SCYL2: variants seen among roughly 807,000 people sequenced by gnomAD.
The protein encoded by SCYL2 is SCY1-like protein 2.
A neutral mutation model predicts 100.4 loss-of-function variants in SCYL2; 36 were observed. The ratio of observed to expected loss-of-function variants is 0.36; its 90% confidence interval spans 0.27 to 0.47. The LOEUF is 0.47. Ranked by LOEUF, SCYL2 falls within the 20% of genes least tolerant of loss-of-function variation. The pLI, the probability that SCYL2 is intolerant of heterozygous loss-of-function variation, is 1.00. For synonymous variants in SCYL2, 330 were observed against 359.2 expected (o/e 0.92, Z 0.92); for missense variants, 902 against 1,083.9 (o/e 0.83, Z 2.36).
rs561707806 is a variant in SCYL2 at position 100,293,820 on chromosome 12, T to C, written c.335+2160T>C. ...TTTAACCCTGAGTGGACACAGCACA[T>C]GTTTCAGAGAGCACAGGGTTGGGGG... is the stretch of plus-strand genomic sequence containing the variant. On this transcript the variant is annotated intron_variant, in intron 3 of 17. Transcript: ENST00000360820. Among the ~76,000 whole-genome samples the C allele has an allele frequency of 5.9e-5, 9 of 152,272 alleles. No homozygotes were observed. The South Asian group carries it at 1.7e-3, about 28-fold the overall frequency.
At chr12:100,313,943 C>T (rs953901213) in intron 7 of SCYL2, among the ~76,000 whole-genome samples, 3 of 149,250 alleles carry the variant, frequency 2.0e-5, no homozygotes, top group African/African-American at 2.5e-5. Flanking sequence ...TGTAGTGGCA[C>T]GATCTCCACT....
At chr12:100,328,176 T>G (rs1213152061) in intron 12 of SCYL2, among the ~76,000 whole-genome samples, 9 of 151,676 alleles carry the variant, frequency 5.9e-5, no homozygotes, top group African/African-American at 2.2e-4. Context: ...TACTTGGGAG[T>G]CTGAGGTGGG....
chr12:100,324,110 G>C (rs531813450), intron 11 of SCYL2, among the ~76,000 whole-genome samples: 7 of 152,218 alleles, frequency 4.6e-5, no homozygotes, highest in Non-Finnish European at 8.8e-5. Flanking sequence ...GTGAATACAA[G>C]TAGGATAAAT....
chr12:100,306,395 A>G (rs1266351898), intron 4 of SCYL2, among the ~76,000 whole-genome samples: 1 of 152,248 alleles, frequency 6.6e-6, no homozygotes, highest in Non-Finnish European at 1.5e-5. Context: ...AGAACCAATG[A>G]CAAAAACCAC....
chr12:100,318,984 ATACT>A (rs1345523146), intron 10 of SCYL2, among the ~76,000 whole-genome samples: 1 of 152,234 alleles, frequency 6.6e-6, no homozygotes, highest in African/African-American at 2.4e-5. Context: ...TTGAAAATAC[ATACT>A]TATGTTAAGA....
chr12:100,273,774 C>G (rs2096289894), intron 1 of SCYL2, among the ~76,000 whole-genome samples: 1 of 152,184 alleles, frequency 6.6e-6, no homozygotes, highest in Admixed American at 6.5e-5. Flanking sequence ...CTTAATATTT[C>G]CATAGCATGT....
intron 2 of SCYL2, among the ~76,000 whole-genome samples, chr12:100,286,404 G>C (rs2096304485): frequency 6.6e-6 from 1 of 152,040 alleles, no homozygotes; most frequent in Non-Finnish European, 1.5e-5. Context: ...TTTATGAGTA[G>C]TCTTCTAGTA....
intron 17 of SCYL2, 129 bp downstream of exon 17, chr12:100,337,635 G>T (rs1952295920): frequency 2.2e-6 from 2 of 900,436 alleles, no homozygotes; most frequent in African/African-American, 1.7e-5. Context: ...TGGTTTCTAA[G>T]AAGTATGGGC....
chr12:100,314,149 A>G (rs550014133), intron 7 of SCYL2, among the ~76,000 whole-genome samples: 24 of 152,312 alleles, frequency 1.6e-4, no homozygotes, highest in Admixed American at 3.3e-4. Flanking sequence ...AAGTGTTGGG[A>G]TTATAGGCAT....
rs1266915817 is a variant in SCYL2 at position 100,312,666 on chromosome 12, A to C, written c.852+13A>C. The C allele has an allele frequency of 7.0e-6, 11 of 1,574,330 alleles. No homozygotes were observed. The East Asian group carries it at 2.5e-4, about 35-fold the overall frequency. On this transcript the variant is annotated intron_variant, in intron 6 of 17. Transcript: ENST00000360820. ...GCAGTTGGATCAGGTATTTGCCTAT[A>C]AATAATTTGCTTGCATTAAAAAATT...
intron 9 of SCYL2, among the ~76,000 whole-genome samples, chr12:100,316,190 T>C (rs1197881618): frequency 6.6e-6 from 1 of 152,208 alleles, no homozygotes; most frequent in Non-Finnish European, 1.5e-5. Context: ...TCCACTAGAA[T>C]AGGAAAATGC....
rs953165076 is a variant in SCYL2, at chr12:100,313,605, T to C, written c.969+67T>C. On this transcript the variant is annotated intron_variant, in intron 7 of 17. Coordinates refer to ENST00000360820, the MANE Select transcript of SCYL2 (RefSeq NM_017988.6). The stretch of plus-strand genomic sequence containing the variant: ...AATGAGTTGAAGTAGATTAAGTTTT[T>C]GGGTTTTAAAAAAATATTTTTCCCC... 4 of 859,870 alleles carry C rather than the reference T, an allele frequency of 4.7e-6. No homozygotes were observed. In the African/African-American group the frequency reaches 6.9e-5, roughly 15 times the overall value. The allele number at this position is 859,870 out of a possible 1,614,324, so 53.3% of individuals were successfully genotyped here.
intron 1 of SCYL2, among the ~76,000 whole-genome samples, chr12:100,277,696 C>T (rs1426134521): frequency 6.6e-6 from 1 of 152,122 alleles, no homozygotes; most frequent in African/African-American, 2.4e-5. Flanking sequence ...ATTATTTACA[C>T]TTAATGTAAT....
intron 1 of SCYL2, among the ~76,000 whole-genome samples, chr12:100,278,956 T>A (rs2096295376): frequency 6.6e-6 from 1 of 152,172 alleles, no homozygotes; most frequent in African/African-American, 2.4e-5. Flanking sequence ...TCTTTGTTCT[T>A]ATATGTAATT....
At chr12:100,276,293 A>G (rs2096292404) in intron 1 of SCYL2, among the ~76,000 whole-genome samples, 1 of 151,938 alleles carries the variant, frequency 6.6e-6, no homozygotes, top group Non-Finnish European at 1.5e-5. Context: ...AATTTCTGTT[A>G]TTGGTCATTT....
Position 100,311,057 on chromosome 12 carries a change from T to C in SCYL2, c.494T>C (p.Leu165Ser). 6.4e-7 allele frequency: 1 copy of C among 1,564,628 alleles called. No individual in the cohort carries two copies. ...TTCCATTTACAGGTTTCTGAAGGATTGTCATTCTTGCATAGCAGTGTGAAA... is the reference window on the plus strand; with the variant it reads ...TTCCATTTACAGGTTTCTGAAGGATCGTCATTCTTGCATAGCAGTGTGAAA... ...KYGLLQVSEG[L>S]SFLHSSVKMV... Residue 165 changes from leucine to serine, a missense_variant, in exon 5 of 18, where the codon TTG becomes TCG. Physicochemically the swap from Leu to Ser is moderately radical, Grantham distance 145. Coordinates refer to ENST00000360820, the MANE Select transcript of SCYL2 (RefSeq NM_017988.6).
rs146578508 is a variant in SCYL2 at position 100,326,009 on chromosome 12, A to G, written c.1510-613A>G. On this transcript the variant is annotated intron_variant, in intron 11 of 17. Coordinates refer to ENST00000360820, the MANE Select transcript of SCYL2 (RefSeq NM_017988.6). The stretch of plus-strand genomic sequence containing the variant: ...TGAAAACTGGAGTTTTATTAATACT[A>G]TAGTCCTGACTTAAAGATATTCTAT... Among the ~76,000 whole-genome samples the G allele has an allele frequency of 6.0e-3, 918 of 152,226 alleles. 4 individuals are homozygous for G. Among genetic ancestry groups the G allele is most frequent in the Non-Finnish European group, 8.3e-3 (566 of 67,966 alleles).
chr12:100,304,860 T>G (rs2096332319), intron 4 of SCYL2, among the ~76,000 whole-genome samples: 3 of 150,900 alleles, frequency 2.0e-5, no homozygotes, highest in Non-Finnish European at 4.4e-5. Flanking sequence ...AGTCCTAGCC[T>G]CTGATATAAC....
intron 8 of SCYL2, 103 bp downstream of exon 8, chr12:100,314,717 T>C: frequency 8.5e-7 from 1 of 1,181,954 alleles, no homozygotes; most frequent in Admixed American, 2.9e-5. Flanking sequence ...TAACTTTGCC[T>C]GAGGTACATA....
Sources: allele counts gnomAD v4.1 joint callset (sites outside exome capture counted in the v4.1 genomes callset), GRCh38; gene constraint gnomAD v4.1.1; transcripts MANE v1.5; gene names NCBI Gene and HGNC (gene_info 2026-07-23, HGNC 2026-07-21).